PLCH1: variants seen among roughly 807,000 people sequenced by gnomAD.
The protein encoded by PLCH1 is phospholipase C eta 1, also known as 1-phosphatidylinositol 4,5-bisphosphate phosphodiesterase eta-1.
PLCH1 carries 60 observed loss-of-function variants against 126.7 expected under a neutral mutation model. That is an observed-to-expected ratio of 0.47 (90% CI 0.38 to 0.59). The LOEUF (loss-of-function observed/expected upper bound fraction) is 0.59. Ranked by LOEUF, PLCH1 falls within the 20% of genes least tolerant of loss-of-function variation. The probability of loss-of-function intolerance (pLI) is 0.00; values close to 1 mark genes in which losing one functional copy is unlikely to be tolerated. For missense variants in PLCH1, 1,723 were observed against 2,040.0 expected (o/e 0.84, Z 2.99); for synonymous variants, 719 against 734.9 (o/e 0.98, Z 0.35).
At position 155,564,988 on chromosome 3, in the gene PLCH1, T is replaced by C; in HGVS notation, c.996A>G (p.Gly332=). Residue 332 remains glycine (G), a synonymous_variant, in exon 8 of 23, where the codon GGA becomes GGG. Transcript: ENST00000460012. ...CTTTGGACTGAGAAAGGAGCTGGTCTCCAGTCAGGTATGTATTGTGAGAGG... is the reference window on the plus strand; with the variant it reads ...CTTTGGACTGAGAAAGGAGCTGGTCCCCAGTCAGGTATGTATTGTGAGAGG... ...IASSHNTYLT[G]DQLLSQSKVD... 1.2e-6 allele frequency: 2 copies of C among 1,613,900 alleles called. No homozygotes were observed. Among genetic ancestry groups the C allele is most frequent in the Non-Finnish European group, 1.7e-6 (2 of 1,179,784 alleles).
chr3:155,493,537 A>G (rs950405184), intron 17 of PLCH1, among the ~76,000 whole-genome samples: 1 of 152,080 alleles, frequency 6.6e-6, no homozygotes, highest in Non-Finnish European at 1.5e-5. Flanking sequence ...ACAGGCACGC[A>G]CCACTATGCC....
chr3:155,637,109 T>C (rs1738816204), intron 2 of PLCH1, among the ~76,000 whole-genome samples: 2 of 152,250 alleles, frequency 1.3e-5, no homozygotes, highest in Admixed American at 6.5e-5. Context: ...TATATACTTT[T>C]AGAACAGCTT....
At chr3:155,646,696 G>T (rs1740099080) in intron 2 of PLCH1, among the ~76,000 whole-genome samples, 1 of 152,150 alleles carries the variant, frequency 6.6e-6, no homozygotes, top group Non-Finnish European at 1.5e-5. Context: ...CTAAAGCAGA[G>T]AACTGAAACT....
chr3:155,541,554 C>A (rs149757614), intron 10 of PLCH1, among the ~76,000 whole-genome samples: 2 of 152,220 alleles, frequency 1.3e-5, no homozygotes, highest in East Asian at 3.9e-4. Context: ...GTTCATGGAG[C>A]AGTTAGTACA....
At chr3:155,653,116 TAGATAGATATAGATATAGATATAG>T (rs1740899570) in intron 2 of PLCH1, among the ~76,000 whole-genome samples, 1 of 137,456 alleles carries the variant, frequency 7.3e-6, no homozygotes, top group African/African-American at 2.7e-5. Flanking sequence ...GATATAGATG[TAGATAGATATAGATATAGATATAG>T]ATATAGATAT....
intron 1 of PLCH1, among the ~76,000 whole-genome samples, chr3:155,707,498 G>T (rs897839333): frequency 1.3e-5 from 2 of 152,052 alleles, no homozygotes; most frequent in African/African-American, 2.4e-5. Context: ...AAACCAGCCT[G>T]GCCAACAAGG....
intron 2 of PLCH1, among the ~76,000 whole-genome samples, chr3:155,672,571 G>A (rs1743623124): frequency 6.6e-6 from 1 of 152,110 alleles, no homozygotes; most frequent in Non-Finnish European, 1.5e-5. Flanking sequence ...AGTTGAGGAG[G>A]GGTTCTCTAA....
intron 2 of PLCH1, among the ~76,000 whole-genome samples, chr3:155,703,234 AGTCT>A (rs1746402100): frequency 6.6e-6 from 1 of 152,238 alleles, no homozygotes; most frequent in Non-Finnish European, 1.5e-5. Flanking sequence ...ATAAACATTA[AGTCT>A]GTCATCAAAT....
intron 21 of PLCH1, among the ~76,000 whole-genome samples, chr3:155,453,013 T>G (rs959994120): frequency 1.3e-5 from 2 of 152,260 alleles, no homozygotes; most frequent in Non-Finnish European, 2.9e-5. Context: ...TGGGTACATG[T>G]GGGAAGACTC....
At chr3:155,663,227 T>G (rs1474079817) in intron 2 of PLCH1, among the ~76,000 whole-genome samples, 9 of 152,204 alleles carry the variant, frequency 5.9e-5, no homozygotes, top group African/African-American at 2.2e-4. Context: ...AGTTCATATC[T>G]TGTGTTTTCT....
At chr3:155,548,665 C>T (rs1725705885) in intron 10 of PLCH1, among the ~76,000 whole-genome samples, 1 of 152,168 alleles carries the variant, frequency 6.6e-6, no homozygotes, top group South Asian at 2.1e-4. Context: ...TTTTCTAACC[C>T]ACAAATCAAT....
At chr3:155,501,865 C>T (rs1470324466) in intron 13 of PLCH1, among the ~76,000 whole-genome samples, 1 of 152,066 alleles carries the variant, frequency 6.6e-6, no homozygotes, top group Non-Finnish European at 1.5e-5. Flanking sequence ...ACCTTGCCAT[C>T]GAAAATGCAG....
At chr3:155,648,354 G>A (rs1025754068) in intron 2 of PLCH1, among the ~76,000 whole-genome samples, 1 of 152,190 alleles carries the variant, frequency 6.6e-6, no homozygotes, top group Non-Finnish European at 1.5e-5. Context: ...AGGAAAAGCA[G>A]TCCTAAAAGG....
chr3:155,505,183 A>T (rs962243385), intron 12 of PLCH1, among the ~76,000 whole-genome samples: 2 of 152,236 alleles, frequency 1.3e-5, no homozygotes, highest in African/African-American at 4.8e-5. Flanking sequence ...AAGTAAACCA[A>T]GCAAAGTTTA....
intron 2 of PLCH1, among the ~76,000 whole-genome samples, chr3:155,622,893 C>A (rs1338570400): frequency 6.6e-6 from 1 of 152,198 alleles, no homozygotes; most frequent in African/African-American, 2.4e-5. Context: ...GGCGTGAACT[C>A]AGCTCTGGAA....
chr3:155,718,744 T>A (rs964889052), intron 1 of PLCH1, among the ~76,000 whole-genome samples: 1 of 152,126 alleles, frequency 6.6e-6, no homozygotes, highest in Non-Finnish European at 1.5e-5. Context: ...ATGACCCAAA[T>A]ACCTCCCACC....
chr3:155,545,152 A>G, intron 10 of PLCH1, among the ~76,000 whole-genome samples: 1 of 151,998 alleles, frequency 6.6e-6, no homozygotes, highest in East Asian at 1.9e-4. Context: ...AAGACTAATA[A>G]AGAAGAAAAG....
At chr3:155,602,884 T>C (rs1433495927) in intron 2 of PLCH1, among the ~76,000 whole-genome samples, 1 of 152,222 alleles carries the variant, frequency 6.6e-6, no homozygotes, top group Non-Finnish European at 1.5e-5. Context: ...TATATGTGTA[T>C]GTTTTTATAT....
intron 2 of PLCH1, among the ~76,000 whole-genome samples, chr3:155,612,536 A>T (rs1735241494): frequency 2.3e-5 from 1 of 43,396 alleles, no homozygotes; most frequent in Non-Finnish European, 3.5e-5. Context: ...ACAAACAACA[A>T]AAAAAAAAGA....
Sources: allele counts gnomAD v4.1 joint callset (sites outside exome capture counted in the v4.1 genomes callset), GRCh38; gene constraint gnomAD v4.1.1; transcripts MANE v1.5; gene names NCBI Gene and HGNC (gene_info 2026-07-23, HGNC 2026-07-21).